The following PROS1 variants were observed in gnomAD, a reference collection of about 807,000 sequenced individuals.
PROS1 encodes the protein vitamin K-dependent protein S.
A neutral mutation model predicts 75.9 loss-of-function variants in PROS1; 29 were observed. That is an observed-to-expected ratio of 0.38 (90% confidence interval 0.28 to 0.52). The LOEUF (loss-of-function observed/expected upper bound fraction) is 0.52, where lower values mean the gene tolerates loss of function less well. Ranked by LOEUF, PROS1 falls within the 20% of genes least tolerant of loss-of-function variation. The pLI is 0.83. For missense variants in PROS1, 680 were observed against 810.3 expected (o/e 0.84, Z 1.95); for synonymous variants, 245 against 280.6 (o/e 0.87, Z 1.27).
intron 1 of PROS1, among the ~76,000 whole-genome samples, chr3:93,962,402 C>A (rs1265608284): frequency 6.6e-6 from 1 of 152,156 alleles, no homozygotes; most frequent in Non-Finnish European, 1.5e-5. Flanking sequence ...TCTGACTGAT[C>A]CAGAACCTCT....
chr3:93,941,761 A>T (rs535621305), intron 1 of PROS1, among the ~76,000 whole-genome samples: 1 of 152,158 alleles, frequency 6.6e-6, no homozygotes, highest in African/African-American at 2.4e-5. Context: ...GCTGGCCATC[A>T]TGCCTCCGTG....
At chr3:93,895,172 T>G (rs1214050064) in intron 9 of PROS1, among the ~76,000 whole-genome samples, 1 of 152,236 alleles carries the variant, frequency 6.6e-6, no homozygotes, top group Non-Finnish European at 1.5e-5. Context: ...GTGTCTCATT[T>G]GTATTATTTT....
At chr3:93,948,442 A>G (rs1341870429) in intron 1 of PROS1, among the ~76,000 whole-genome samples, 2 of 152,290 alleles carry the variant, frequency 1.3e-5, no homozygotes, top group Middle Eastern at 3.4e-3. Flanking sequence ...TGCAGAGCTC[A>G]GTTCAATTCC....
chr3:93,964,114 TATG>T (rs1709749473), intron 1 of PROS1, among the ~76,000 whole-genome samples: 1 of 152,228 alleles, frequency 6.6e-6, no homozygotes, highest in African/African-American at 2.4e-5. Context: ...TCAGGGCCAC[TATG>T]ATAATTGTGT....
chr3:93,970,580 C>T (rs1411796095), intron 1 of PROS1, among the ~76,000 whole-genome samples: 5 of 151,936 alleles, frequency 3.3e-5, no homozygotes, highest in East Asian at 1.9e-4. Context: ...TGGCTTCACG[C>T]GATCCTTCCT....
intron 3 of PROS1, among the ~76,000 whole-genome samples, chr3:93,919,120 C>T (rs553744491): frequency 6.6e-6 from 1 of 152,174 alleles, no homozygotes; most frequent in Non-Finnish European, 1.5e-5. Context: ...TCTACCTCTA[C>T]AAGAAGGCGG....
At chr3:93,964,030 T>C (rs1428730802) in intron 1 of PROS1, among the ~76,000 whole-genome samples, 1 of 152,226 alleles carries the variant, frequency 6.6e-6, no homozygotes, top group African/African-American at 2.4e-5. Flanking sequence ...ATTAATACTT[T>C]TATAATTTCT....
chr3:93,919,331 T>A (rs1338087663), intron 3 of PROS1, among the ~76,000 whole-genome samples: 6 of 152,176 alleles, frequency 3.9e-5, no homozygotes, highest in Non-Finnish European at 2.9e-5. Context: ...AAGTAATATC[T>A]CATTATTTTT....
Position 93,886,468 on chromosome 3 carries a change from A to G in PROS1, c.1191T>C (p.Ile397=), listed in dbSNP as rs751672587. 6.2e-6 allele frequency: 10 copies of G among 1,611,670 alleles called. No homozygotes were observed. In the African/African-American group the frequency reaches 1.2e-4, roughly 19 times the overall value. The change falls in exon 11 of 15, where the codon ATT becomes ATC. Residue 397 remains isoleucine, a synonymous_variant. Coordinates refer to ENST00000394236, the MANE Select transcript of PROS1 (RefSeq NM_000313.4). ...CCATCACAGCTTCTTTAGCTATTTTAATGCTAATACTATGTTCTAATTCTT... is the reference window on the plus strand; with the variant it reads ...CCATCACAGCTTCTTTAGCTATTTTGATGCTAATACTATGTTCTAATTCTT... ...SVEELEHSIS[I]KIAKEAVMDI... is the part of the protein sequence containing the mutation.
intron 1 of PROS1, among the ~76,000 whole-genome samples, chr3:93,937,609 C>T (rs1480840312): frequency 2.6e-4 from 39 of 152,102 alleles, no homozygotes; most frequent in African/African-American, 7.0e-4. Context: ...CCTCGTGATC[C>T]GCCCACCTCA....
intron 9 of PROS1, 70 bp downstream of exon 9, chr3:93,896,506 T>C: frequency 8.6e-7 from 1 of 1,165,632 alleles, no homozygotes; most frequent in Non-Finnish European, 1.3e-6. Flanking sequence ...ACTTCAAACC[T>C]TTTCGGCCAC....
chr3:93,972,774 G>A (rs527555734), intron 1 of PROS1, among the ~76,000 whole-genome samples: 1 of 152,044 alleles, frequency 6.6e-6, no homozygotes, highest in African/African-American at 2.4e-5. Flanking sequence ...ACTTGAAGCC[G>A]GGGGGCGGAG....
At chr3:93,888,464 T>C (rs949880008) in intron 10 of PROS1, among the ~76,000 whole-genome samples, 5 of 152,204 alleles carry the variant, frequency 3.3e-5, no homozygotes, top group African/African-American at 4.8e-5. Context: ...TTGGTTTTGA[T>C]TGGGTATATG....
chr3:93,901,490 TGAA>T (rs1708592458), intron 6 of PROS1, among the ~76,000 whole-genome samples: 1 of 152,166 alleles, frequency 6.6e-6, no homozygotes, highest in African/African-American at 2.4e-5. Flanking sequence ...TATTGCCAAA[TGAA>T]GAAGGAGATA....
chr3:93,922,346 T>A (rs749304914), intron 3 of PROS1, among the ~76,000 whole-genome samples: 4 of 152,228 alleles, frequency 2.6e-5, no homozygotes, highest in Non-Finnish European at 5.9e-5. Context: ...CCAGGAAGTT[T>A]CTCTCTCTTT....
chr3:93,893,517 G>A (rs1464311258), intron 9 of PROS1, among the ~76,000 whole-genome samples: 1 of 151,922 alleles, frequency 6.6e-6, no homozygotes, highest in Admixed American at 6.6e-5. Flanking sequence ...TTAAGAAGTG[G>A]TAGTTTTTTT....
intron 1 of PROS1, among the ~76,000 whole-genome samples, chr3:93,950,564 G>A (rs1244861923): frequency 6.6e-6 from 1 of 152,156 alleles, no homozygotes; most frequent in Non-Finnish European, 1.5e-5. Context: ...TGATACCCAG[G>A]AAAATAGGGC....
At chr3:93,884,551 T>C (rs1708318405) in intron 12 of PROS1, among the ~76,000 whole-genome samples, 177 bp downstream of exon 12, 1 of 152,194 alleles carries the variant, frequency 6.6e-6, no homozygotes, top group South Asian at 2.1e-4. Context: ...GCCTTTATAT[T>C]TTTCCCAATA....
chr3:93,881,782 A>G (rs2063367342), intron 12 of PROS1, among the ~76,000 whole-genome samples: 1 of 151,282 alleles, frequency 6.6e-6, no homozygotes, highest in Non-Finnish European at 1.5e-5. Flanking sequence ...CTGGTCTTGA[A>G]CTCTTGGGCT....
Sources: gnomAD v4.1 joint callset for allele counts (sites outside exome capture counted in the v4.1 genomes callset) on GRCh38, gnomAD v4.1.1 for gene constraint, MANE v1.5 for transcripts, NCBI Gene and HGNC (gene_info 2026-07-23, HGNC 2026-07-21) for gene names.